Variants in SGIP1 observed in about 807,000 individuals in gnomAD.
SGIP1 encodes the protein SH3GL interacting endocytic adaptor 1.
Under a neutral mutation model 107.5 loss-of-function variants are expected in SGIP1, and 38 were observed. The observed-to-expected ratio is 0.35, with a 90% CI of 0.27 to 0.46. The LOEUF (loss-of-function observed/expected upper bound fraction) is 0.46, where lower values mean the gene tolerates loss of function less well. Among genes scored for constraint, SGIP1 ranks in the 20% least tolerant of loss-of-function variants. The probability of loss-of-function intolerance (pLI) is 1.00; values close to 1 mark genes in which losing one functional copy is unlikely to be tolerated. For synonymous variants in SGIP1, 365 were observed against 366.1 expected (o/e 1.00, Z 0.03); for missense variants, 929 against 1,019.5 (o/e 0.91, Z 1.21).
At chr1:66,638,782 A>G (rs2076251899) in intron 4 of SGIP1, among the ~76,000 whole-genome samples, 1 of 152,196 alleles carries the variant, frequency 6.6e-6, no homozygotes, top group Non-Finnish European at 1.5e-5. Context: ...AGTTGTTTAC[A>G]TTGCAGTTCA....
intron 1 of SGIP1, among the ~76,000 whole-genome samples, chr1:66,600,742 A>T (rs2065640020): frequency 6.6e-6 from 1 of 152,180 alleles, no homozygotes; most frequent in African/African-American, 2.4e-5. Context: ...GTGGTCCCCT[A>T]AGCCATGCAA....
intron 1 of SGIP1, among the ~76,000 whole-genome samples, chr1:66,560,959 A>G (rs560467549): frequency 6.6e-6 from 1 of 152,200 alleles, no homozygotes; most frequent in South Asian, 2.1e-4. Context: ...GTAAGTGTTA[A>G]CACATTTATA....
chr1:66,631,672 T>A (rs1245833754), intron 2 of SGIP1, among the ~76,000 whole-genome samples: 1 of 123,402 alleles, frequency 8.1e-6, no homozygotes. Flanking sequence ...TCTCTTTCTC[T>A]CTCTCTCTTT....
intron 20 of SGIP1, among the ~76,000 whole-genome samples, chr1:66,733,241 G>A (rs113754041): frequency 1.3e-5 from 2 of 152,324 alleles, no homozygotes; most frequent in African/African-American, 4.8e-5. Flanking sequence ...TGAAAAGGCA[G>A]CATGGTAATT....
intron 1 of SGIP1, among the ~76,000 whole-genome samples, chr1:66,594,368 C>T (rs551440330): frequency 6.6e-6 from 1 of 152,166 alleles, no homozygotes; most frequent in South Asian, 2.1e-4. Context: ...ACTTTCTTAC[C>T]CTGTAAATAT....
chr1:66,679,779 G>T, intron 14 of SGIP1, 27 bp downstream of exon 14: 2 of 1,571,362 alleles, frequency 1.3e-6, no homozygotes, highest in Non-Finnish European at 1.7e-6. Flanking sequence ...TCAGTTCTGG[G>T]ATGATGTGTC....
chr1:66,594,784 C>T (rs1294901916), intron 1 of SGIP1, among the ~76,000 whole-genome samples: 1 of 152,120 alleles, frequency 6.6e-6, no homozygotes, highest in East Asian at 1.9e-4. Flanking sequence ...AGTCCTCAGT[C>T]CTCATCTATA....
chr1:66,590,637 C>G (rs538343145), intron 1 of SGIP1: 1 of 152,106 alleles, frequency 6.6e-6, no homozygotes, highest in East Asian at 1.9e-4. Context: ...ACATCTAGAT[C>G]GTAGGATATT....
intron 1 of SGIP1, among the ~76,000 whole-genome samples, chr1:66,540,763 A>G (rs942758346): frequency 6.6e-6 from 1 of 152,210 alleles, no homozygotes; most frequent in Admixed American, 6.5e-5. Context: ...ACATGAACCC[A>G]GAAGTCAGAC....
At chr1:66,732,094 A>G (rs1009118425) in intron 20 of SGIP1, among the ~76,000 whole-genome samples, 1 of 152,200 alleles carries the variant, frequency 6.6e-6, no homozygotes, top group Admixed American at 6.5e-5. Flanking sequence ...TATTAATCTC[A>G]GCAAATGTAT....
intron 1 of SGIP1, among the ~76,000 whole-genome samples, chr1:66,565,887 A>G (rs757368979): frequency 1.2e-4 from 19 of 152,044 alleles, no homozygotes; most frequent in African/African-American, 4.1e-4. Flanking sequence ...CTACTATGTT[A>G]TATTTCTAGA....
intron 1 of SGIP1, among the ~76,000 whole-genome samples, chr1:66,552,166 C>T (rs1438228922): frequency 1.3e-5 from 2 of 152,130 alleles, no homozygotes; most frequent in African/African-American, 4.8e-5. Context: ...GTTAAGAAAG[C>T]TGAGTTGGAG....
At chr1:66,591,711 C>T (rs1285510541) in intron 1 of SGIP1, among the ~76,000 whole-genome samples, 1 of 152,146 alleles carries the variant, frequency 6.6e-6, no homozygotes, top group Non-Finnish European at 1.5e-5. Flanking sequence ...GGAGGACCAG[C>T]GCGGGCACTG....
At chr1:66,676,006 A>G (rs559836375) in intron 12 of SGIP1, among the ~76,000 whole-genome samples, 1 of 152,304 alleles carries the variant, frequency 6.6e-6, no homozygotes, top group Non-Finnish European at 1.5e-5. Context: ...TCAACCACAT[A>G]GTGGTGGTAA....
intron 1 of SGIP1, among the ~76,000 whole-genome samples, chr1:66,566,848 C>T (rs1466968985): frequency 2.0e-5 from 3 of 151,944 alleles, no homozygotes; most frequent in South Asian, 4.1e-4. Context: ...TGTACTAATG[C>T]TCTCCCTCCC....
chr1:66,667,478 C>G, intron 8 of SGIP1, 52 bp from the exon 9 acceptor site: 1 of 1,566,916 alleles, frequency 6.4e-7, no homozygotes, highest in Non-Finnish European at 8.8e-7. Flanking sequence ...GTTGACTGAT[C>G]CATCATTCTC....
chr1:66,534,159 T>C lies in SGIP1; in HGVS notation c.-200T>C. ...CCTCTCCCTTTCTCTCAGCATCTTC[T>C]TGGTAGCCTGCCTGTAGGTGAAGAA... On this transcript the variant is annotated 5_prime_UTR_variant, in exon 1 of 25. Transcript: ENST00000371037. 1 of 617,514 alleles carries C rather than the reference T, an allele frequency of 1.6e-6. No individual in the cohort carries two copies. The highest frequency in any genetic ancestry group is 2.9e-6 in the Non-Finnish European group (1 of 344,576). 38.3% of individuals were successfully genotyped at this position (617,514 alleles called of 1,614,324 possible). A position where few individuals can be genotyped will look rare whatever the true frequency, so the allele number is the denominator to read the frequency against.
At chr1:66,700,920 A>AC (rs2091809162) in intron 18 of SGIP1, among the ~76,000 whole-genome samples, 1 of 151,460 alleles carries the variant, frequency 6.6e-6, no homozygotes, top group African/African-American at 2.5e-5. Flanking sequence ...GAGACCCCAG[A>AC]GAGGAAAAAT....
At chr1:66,567,688 T>G (rs899350118) in intron 1 of SGIP1, among the ~76,000 whole-genome samples, 1 of 152,156 alleles carries the variant, frequency 6.6e-6, no homozygotes, top group Non-Finnish European at 1.5e-5. Flanking sequence ...GTATAAGGTG[T>G]AAGGAAGGGG....
Sources: gnomAD v4.1 joint callset for allele counts (sites outside exome capture counted in the v4.1 genomes callset) on GRCh38, gnomAD v4.1.1 for gene constraint, MANE v1.5 for transcripts, NCBI Gene and HGNC (gene_info 2026-07-23, HGNC 2026-07-21) for gene names.